Variants in LUZP2 observed in about 807,000 individuals in gnomAD.
LUZP2 encodes the protein leucine zipper protein 2.
Under a neutral mutation model 51.6 loss-of-function variants are expected in LUZP2, and 52 were observed. That is an observed-to-expected ratio of 1.01 (90% CI 0.81 to 1.27). The LOEUF (loss-of-function observed/expected upper bound fraction) is 1.27, where lower values mean the gene tolerates loss of function less well. Among genes scored for constraint, LUZP2 ranks in the 50% most tolerant of loss-of-function variants. The probability of loss-of-function intolerance (pLI) is 0.00; values close to 1 mark genes in which losing one functional copy is unlikely to be tolerated. For missense variants in LUZP2, 436 were observed against 395.4 expected, an observed-to-expected ratio of 1.10 and a Z score of -0.87; for synonymous variants, 154 against 137.3, an observed-to-expected ratio of 1.12 and a Z score of -0.85.
rs139543546 is a variant in LUZP2 at position 24,718,944 on chromosome 11, C to T, written c.63-10225C>T. On this transcript the variant is annotated intron_variant, in intron 1 of 11. Coordinates refer to ENST00000336930, the MANE Select transcript of LUZP2 (RefSeq NM_001009909.4). The stretch of plus-strand genomic sequence containing the variant: ...GTTTATTCACAGGAATTGAAATAGA[C>T]AAAACACATTTAAATATTTTCAAGA... Among the ~76,000 whole-genome samples the T allele has an allele frequency of 3.1e-3, 470 of 152,104 alleles. 1 individual carries two copies. Among genetic ancestry groups the T allele is most frequent in the African/African-American group, 0.011 (457 of 41,490 alleles).
At chr11:24,502,824 G>A (rs1257049351) in intron 1 of LUZP2, among the ~76,000 whole-genome samples, 1 of 152,162 alleles carries the variant, frequency 6.6e-6, no homozygotes, top group Non-Finnish European at 1.5e-5. Flanking sequence ...AAATGTAATT[G>A]CTATAAATTT....
At chr11:25,044,257 GTATATATATATATA>G (rs1235208041) in intron 9 of LUZP2, among the ~76,000 whole-genome samples, 3 of 60,784 alleles carry the variant, frequency 4.9e-5, no homozygotes, top group East Asian at 5.8e-4. Context: ...GTGTGTGTGT[GTATATATATATATA>G]TATATATATA....
chr11:24,635,188 A>T (rs914213130), intron 1 of LUZP2, among the ~76,000 whole-genome samples: 249 of 117,880 alleles, frequency 2.1e-3, no homozygotes, highest in African/African-American at 6.2e-3. Flanking sequence ...AAATACAAAT[A>T]AAAAAAAATT....
intron 9 of LUZP2, among the ~76,000 whole-genome samples, chr11:24,986,626 A>G (rs1053599407): frequency 1.3e-5 from 2 of 151,296 alleles, no homozygotes; most frequent in Admixed American, 1.3e-4. Flanking sequence ...AGTGACTAAC[A>G]TTTTTTCTAC....
At chr11:24,906,557 A>C (rs1045725691) in intron 6 of LUZP2, among the ~76,000 whole-genome samples, 6 of 152,180 alleles carry the variant, frequency 3.9e-5, no homozygotes, top group African/African-American at 7.2e-5. Context: ...TCTGCTTAAC[A>C]TAGATTTAAC....
chr11:24,757,472 A>T (rs1859818172), intron 4 of LUZP2, among the ~76,000 whole-genome samples: 1 of 152,146 alleles, frequency 6.6e-6, no homozygotes. Context: ...TACATGTCAA[A>T]GTAATACTTA....
chr11:24,826,190 A>AAAAAAAAAAATATATAT (rs1215786412), intron 5 of LUZP2, among the ~76,000 whole-genome samples: 2 of 67,534 alleles, frequency 3.0e-5, no homozygotes, highest in Non-Finnish European at 2.6e-5. Context: ...AAAAAAAAAA[A>AAAAAAAAAAATATATAT]ATATATATAT....
At chr11:24,634,929 C>A (rs1027574811) in intron 1 of LUZP2, among the ~76,000 whole-genome samples, 1 of 152,046 alleles carries the variant, frequency 6.6e-6, no homozygotes, top group African/African-American at 2.4e-5. Context: ...ATGAGATGAA[C>A]ACACTTGTTA....
chr11:24,607,950 G>C (rs911822339), intron 1 of LUZP2, among the ~76,000 whole-genome samples: 1 of 151,894 alleles, frequency 6.6e-6, no homozygotes, highest in East Asian at 1.9e-4. Context: ...CTGGGTTTAT[G>C]CCATTCTCCT....
In LUZP2 at chr11:24,922,825, C is replaced by CTTTTTTTTT. The variant is rs1277388215; in HGVS notation, c.522+8290_522+8298dup. ...GGACTACCAAGTGGCACAGTTATAT[C>CTTTTTTTTT]TTTTTTTTTTTCTTTTTTTTTTTTT... On this transcript the variant is annotated intron_variant, in intron 7 of 11. Coordinates refer to ENST00000336930, the MANE Select transcript of LUZP2 (RefSeq NM_001009909.4). Among the ~76,000 whole-genome samples, 23 of 44,616 alleles carry CTTTTTTTTT rather than the reference C, an allele frequency of 5.2e-4. 10 individuals carry two copies. Among genetic ancestry groups the CTTTTTTTTT allele is most frequent in the Non-Finnish European group, 6.4e-4 (10 of 15,576 alleles). The allele number at this position is 44,616 out of a possible 152,430, so 29.3% of individuals were successfully genotyped here. A position where few individuals can be genotyped will look rare whatever the true frequency, so the allele number is the denominator to read the frequency against.
At chr11:24,776,762 G>A (rs1275785565) in intron 5 of LUZP2, among the ~76,000 whole-genome samples, 2 of 152,084 alleles carry the variant, frequency 1.3e-5, no homozygotes, top group Non-Finnish European at 2.9e-5. Flanking sequence ...TGGCACTAAA[G>A]AAGCTCTAGT....
chr11:24,975,289 A>T (rs1459431316), intron 7 of LUZP2, among the ~76,000 whole-genome samples: 1 of 152,100 alleles, frequency 6.6e-6, no homozygotes, highest in Non-Finnish European at 1.5e-5. Flanking sequence ...TATTGAATGA[A>T]TGTTGACACC....
chr11:24,815,204 A>G (rs1042815417), intron 5 of LUZP2, among the ~76,000 whole-genome samples: 3 of 152,172 alleles, frequency 2.0e-5, no homozygotes, highest in African/African-American at 7.2e-5. Flanking sequence ...AAATGAATCT[A>G]TATCATTATT....
At chr11:24,800,167 T>A (rs1849657571) in intron 5 of LUZP2, among the ~76,000 whole-genome samples, 1 of 152,080 alleles carries the variant, frequency 6.6e-6, no homozygotes. Context: ...ATATTTCACT[T>A]TCCTTATCCT....
intron 1 of LUZP2, among the ~76,000 whole-genome samples, chr11:24,690,622 T>C (rs1250563180): frequency 6.6e-6 from 1 of 152,092 alleles, no homozygotes; most frequent in Non-Finnish European, 1.5e-5. Context: ...TGTAATAGAA[T>C]TTTGGTGATC....
chr11:24,634,440 T>A (rs1237449609), intron 1 of LUZP2, among the ~76,000 whole-genome samples: 1 of 151,942 alleles, frequency 6.6e-6, no homozygotes, highest in African/African-American at 2.4e-5. Flanking sequence ...TGGCTAAAAA[T>A]TACATATCAG....
chr11:24,629,549 C>CATATATAT (rs3078021), intron 1 of LUZP2, among the ~76,000 whole-genome samples: 1,988 of 141,076 alleles, frequency 0.014, 52 homozygotes, highest in African/African-American at 0.048. Context: ...TATTCCATTG[C>CATATATAT]ATATATATAT....
rs960828142 is a variant in LUZP2 at position 25,077,210 on chromosome 11, G to A, written c.859-119G>A. 25 of 792,920 alleles carry A rather than the reference G, an allele frequency of 3.2e-5. No individual in the cohort carries two copies. The African/African-American group carries it at 3.9e-4, about 12-fold the overall frequency. The allele number at this position is 792,920 out of a possible 1,614,324, so 49.1% of individuals were successfully genotyped here. ...TTTGTCCCTAGCTTTTGCCCTTTCA[G>A]TATGGATCAAAGTGATAGAATCTTC... On this transcript the variant is annotated intron_variant, in intron 10 of 11. Transcript: ENST00000336930.
At chr11:24,800,733 T>C (rs961950408) in intron 5 of LUZP2, among the ~76,000 whole-genome samples, 4 of 152,074 alleles carry the variant, frequency 2.6e-5, no homozygotes, top group Non-Finnish European at 5.9e-5. Flanking sequence ...AGAAAAATCA[T>C]GTAAATTTTA....
Sources: allele counts gnomAD v4.1 joint callset (sites outside exome capture counted in the v4.1 genomes callset), GRCh38; gene constraint gnomAD v4.1.1; transcripts MANE v1.5; gene names NCBI Gene and HGNC (gene_info 2026-07-23, HGNC 2026-07-21).